Variants in SPRED1 observed in about 807,000 individuals in gnomAD.
SPRED1 encodes sprouty-related, EVH1 domain-containing protein 1.
Under a neutral mutation model 52.3 loss-of-function variants are expected in SPRED1, and 18 were observed. The ratio of observed to expected loss-of-function variants is 0.34; its 90% CI spans 0.24 to 0.51. The LOEUF is 0.51. Among genes scored for constraint, SPRED1 ranks in the 20% least tolerant of loss-of-function variants. The pLI is 0.97. For synonymous variants in SPRED1, 155 were observed against 179.7 expected (o/e 0.86, Z 1.10); for missense variants, 485 against 551.0 (o/e 0.88, Z 1.20).
chr15:38,262,951 G>C (rs1894233036), intron 1 of SPRED1, among the ~76,000 whole-genome samples: 2 of 152,206 alleles, frequency 1.3e-5, no homozygotes, highest in Non-Finnish European at 2.9e-5. Context: ...AGTATTTTAA[G>C]TGAGGGAATG....
At chr15:38,338,652 G>T (rs1895970946) in intron 4 of SPRED1, among the ~76,000 whole-genome samples, 1 of 152,018 alleles carries the variant, frequency 6.6e-6, no homozygotes, top group Non-Finnish European at 1.5e-5. Flanking sequence ...TTAGTTTCAA[G>T]AGCATTTTCA....
chr15:38,335,213 T>A (rs1334916196), intron 4 of SPRED1, among the ~76,000 whole-genome samples: 1 of 152,094 alleles, frequency 6.6e-6, no homozygotes, highest in Non-Finnish European at 1.5e-5. Context: ...GTTCCTTAGC[T>A]AATACTTATT....
chr15:38,266,950 C>T (rs1203335317), intron 1 of SPRED1, among the ~76,000 whole-genome samples: 1 of 152,164 alleles, frequency 6.6e-6, no homozygotes, highest in Non-Finnish European at 1.5e-5. Flanking sequence ...ATTTGACTTA[C>T]AATTACTGGC....
At chr15:38,334,839 C>G (rs1364322633) in intron 4 of SPRED1, among the ~76,000 whole-genome samples, 1 of 150,308 alleles carries the variant, frequency 6.7e-6, no homozygotes, top group Non-Finnish European at 1.5e-5. Flanking sequence ...GTGTGTGTAT[C>G]TGTATATACA....
intron 1 of SPRED1, among the ~76,000 whole-genome samples, chr15:38,272,787 T>A (rs1271668921): frequency 6.6e-6 from 1 of 152,200 alleles, no homozygotes; most frequent in Non-Finnish European, 1.5e-5. Context: ...TGATTATTAG[T>A]GATATGGAGC....
intron 2 of SPRED1, among the ~76,000 whole-genome samples, chr15:38,302,659 G>C (rs1313757336): frequency 2.0e-5 from 3 of 152,136 alleles, no homozygotes; most frequent in African/African-American, 7.2e-5. Context: ...CCTCCAGACT[G>C]GTTGCCTTAT....
chr15:38,307,093 A>C (rs1055435221), intron 2 of SPRED1, among the ~76,000 whole-genome samples: 3 of 152,164 alleles, frequency 2.0e-5, no homozygotes, highest in African/African-American at 7.2e-5. Flanking sequence ...TTAAAGCCCA[A>C]ACTCTGACCT....
Position 38,253,234 on chromosome 15 carries a change from T to A in SPRED1, c.32+17T>A. 2 of 1,566,802 alleles carry A rather than the reference T, an allele frequency of 1.3e-6. No individual in the cohort carries two copies. The highest frequency in any genetic ancestry group is 2.3e-5 in the South Asian group (2 of 85,188). On this transcript the variant is annotated intron_variant, in intron 1 of 6. Transcript: ENST00000299084. ...TGACAACGAGTAAGCGCCTCATTGATCTCGATTGCTAATCCCCCTCCCCCT... is the reference window on the plus strand; with the variant it reads ...TGACAACGAGTAAGCGCCTCATTGAACTCGATTGCTAATCCCCCTCCCCCT...
chr15:38,283,703 T>G (rs925298284), intron 1 of SPRED1, among the ~76,000 whole-genome samples: 6 of 152,206 alleles, frequency 3.9e-5, no homozygotes, highest in African/African-American at 1.4e-4. Flanking sequence ...CAGCAGGGGT[T>G]TAAATCCTTA....
intron 1 of SPRED1, among the ~76,000 whole-genome samples, chr15:38,294,290 G>T (rs913766848): frequency 6.6e-5 from 10 of 152,116 alleles, no homozygotes; most frequent in African/African-American, 9.7e-5. Context: ...ATAAGTTCCT[G>T]TTATACTGTA....
At chr15:38,350,417 A>AT in intron 6 of SPRED1, among the ~76,000 whole-genome samples, 1 of 152,300 alleles carries the variant, frequency 6.6e-6, no homozygotes, top group East Asian at 1.9e-4. Context: ...ACCTCTTAAA[A>AT]GGCTCTATAT....
At chr15:38,344,140 G>GT (rs1896082815) in intron 5 of SPRED1, among the ~76,000 whole-genome samples, 1 of 152,156 alleles carries the variant, frequency 6.6e-6, no homozygotes, top group Non-Finnish European at 1.5e-5. Flanking sequence ...GAGATACTCA[G>GT]TTTAACAGTT....
intron 1 of SPRED1, among the ~76,000 whole-genome samples, 186 bp downstream of exon 1, chr15:38,253,403 T>A (rs1894024447): frequency 6.6e-6 from 1 of 152,116 alleles, no homozygotes; most frequent in Non-Finnish European, 1.5e-5. Context: ...CCTCCCACAT[T>A]TAGCTGCTTT....
intron 2 of SPRED1, among the ~76,000 whole-genome samples, chr15:38,308,511 T>G (rs1895297138): frequency 6.6e-6 from 1 of 152,356 alleles, no homozygotes; most frequent in Non-Finnish European, 1.5e-5. Context: ...TTTCCGTTTT[T>G]GCCAGGCAAC....
chr15:38,323,320 G>A (rs1452043521), intron 3 of SPRED1, among the ~76,000 whole-genome samples: 1 of 152,074 alleles, frequency 6.6e-6, no homozygotes, highest in African/African-American at 2.4e-5. Flanking sequence ...TGGTAAATGA[G>A]TAATTTTTTA....
At chr15:38,305,180 A>C (rs1327817150) in intron 2 of SPRED1, among the ~76,000 whole-genome samples, 1 of 151,944 alleles carries the variant, frequency 6.6e-6, no homozygotes, top group Non-Finnish European at 1.5e-5. Context: ...AAAATACAAA[A>C]AATTAGCTGG....
rs574909621 is a variant in SPRED1 at position 38,257,253 on chromosome 15, G to A, written c.32+4036G>A. Reference sequence around the variant, plus strand: ...TGATTATTTACTTATTTCTATGACCGCTATTCTGTAATTCCCTACTTTTGT... The same window carrying A: ...TGATTATTTACTTATTTCTATGACCACTATTCTGTAATTCCCTACTTTTGT... On this transcript the variant is annotated intron_variant, in intron 1 of 6. Transcript: ENST00000299084. Among the ~76,000 whole-genome samples the A allele has an allele frequency of 2.2e-3, 338 of 152,004 alleles. 2 individuals are homozygous for A. The highest frequency in any genetic ancestry group is 7.5e-3 in the African/African-American group (309 of 41,454).
intron 4 of SPRED1, among the ~76,000 whole-genome samples, chr15:38,334,823 ATGTG>A (rs899258997): frequency 6.7e-6 from 1 of 149,970 alleles, no homozygotes; most frequent in Non-Finnish European, 1.5e-5. Flanking sequence ...GTGATTGTGT[ATGTG>A]TGTGTGTGTA....
At chr15:38,263,529 T>C (rs1192025773) in intron 1 of SPRED1, among the ~76,000 whole-genome samples, 1 of 152,114 alleles carries the variant, frequency 6.6e-6, no homozygotes, top group Non-Finnish European at 1.5e-5. Context: ...CGGAAGTGGC[T>C]TAAGTGGTAG....
Sources: gnomAD v4.1 joint callset for allele counts (sites outside exome capture counted in the v4.1 genomes callset) on GRCh38, gnomAD v4.1.1 for gene constraint, MANE v1.5 for transcripts, NCBI Gene and HGNC (gene_info 2026-07-23, HGNC 2026-07-21) for gene names.